Variants in NSL1 observed in about 807,000 individuals in gnomAD.
NSL1 encodes NSL1 component of MIS12 kinetochore complex.
A neutral mutation model predicts 25.4 loss-of-function variants in NSL1; 11 were observed. The observed-to-expected ratio is 0.43, with a 90% CI of 0.27 to 0.72. The LOEUF is 0.72. NSL1 is among the 30% of genes least tolerant of loss of function. The pLI, the probability that NSL1 is intolerant of heterozygous loss-of-function variation, is 0.19. For synonymous variants in NSL1, 118 were observed against 120.6 expected (o/e 0.98, Z 0.14); for missense variants, 330 against 342.7 (o/e 0.96, Z 0.29).
rs79995711 is a variant in NSL1, at chr1:212,734,692, A to C, written c.*3716T>G. Among the ~76,000 whole-genome samples, 156 of 152,334 alleles carry C rather than the reference A, an allele frequency of 1.0e-3. No individual in the cohort carries two copies. Among genetic ancestry groups the C allele is most frequent in the African/African-American group, 3.6e-3 (148 of 41,580 alleles). On this transcript the variant is annotated 3_prime_UTR_variant, in exon 6 of 6. Coordinates refer to ENST00000366977, the MANE Select transcript of NSL1 (RefSeq NM_015471.4). ...TGATATTGATCCACATTGTTATAAC[A>C]GTAATTTGTTCTTTATTCCTGTATT...
intron 4 of NSL1, among the ~76,000 whole-genome samples, chr1:212,744,473 G>A (rs1658663427): frequency 6.6e-6 from 1 of 152,052 alleles, no homozygotes; most frequent in African/African-American, 2.4e-5. Context: ...AAAATTATGA[G>A]GCATGCGAAA....
In NSL1 at chr1:212,734,679, A is replaced by G. The variant is rs1447088804; in HGVS notation, c.*3729T>C. Among the ~76,000 whole-genome samples, 1 of 152,184 alleles carries G rather than the reference A, an allele frequency of 6.6e-6. No homozygotes were observed. The highest frequency in any genetic ancestry group is 2.4e-5 in the African/African-American group (1 of 41,430). ...AATATAGTATCTTTGATATTGATCC[A>G]CATTGTTATAACAGTAATTTGTTCT... is the stretch of plus-strand genomic sequence containing the variant. On this transcript the variant is annotated 3_prime_UTR_variant, in exon 6 of 6. Transcript: ENST00000366977.
intron 4 of NSL1, chr1:212,766,199 T>TA: frequency 1.7e-6 from 1 of 594,686 alleles, no homozygotes; most frequent in Admixed American, 2.6e-5. Context: ...CTCGAAGTAA[T>TA]AAAAACCATA....
chr1:212,766,761 T>C (rs1179448539), intron 4 of NSL1, among the ~76,000 whole-genome samples: 1 of 152,002 alleles, frequency 6.6e-6, no homozygotes, highest in East Asian at 1.9e-4. Flanking sequence ...CACACATCAG[T>C]AGCACTGCTA....
At chr1:212,757,545 A>G (rs1379871139) in intron 4 of NSL1, among the ~76,000 whole-genome samples, 1 of 152,200 alleles carries the variant, frequency 6.6e-6, no homozygotes, top group Non-Finnish European at 1.5e-5. Flanking sequence ...GTAGGGCCTC[A>G]GTGAGCTTTC....
intron 2 of NSL1, 81 bp downstream of exon 2, chr1:212,787,478 G>A: frequency 2.1e-6 from 2 of 935,436 alleles, no homozygotes; most frequent in Non-Finnish European, 3.3e-6. Flanking sequence ...ACTAAATATG[G>A]AGATTAAAAA....
chr1:212,776,583 A>C (rs1660379332), intron 4 of NSL1, among the ~76,000 whole-genome samples: 1 of 151,378 alleles, frequency 6.6e-6, no homozygotes, highest in Non-Finnish European at 1.5e-5. Context: ...ATTAAATAAA[A>C]TTTATAGGAA....
rs150448676 is a variant in NSL1 at position 212,735,763 on chromosome 1, G to A, written c.*2645C>T. Among the ~76,000 whole-genome samples the A allele has an allele frequency of 4.5e-4, 68 of 152,320 alleles. No homozygotes were observed. The highest frequency in any genetic ancestry group is 1.4e-3 in the African/African-American group (60 of 41,562). On this transcript the variant is annotated 3_prime_UTR_variant, in exon 6 of 6. Transcript: ENST00000366977. ...ACTCTGTCCCTCTCTCCACATGCAT[G>A]CACTGAGGAAAGGCCATGTGAGGAC...
chr1:212,779,274 CGGAG>C (rs1478717273), intron 4 of NSL1, among the ~76,000 whole-genome samples: 1 of 133,626 alleles, frequency 7.5e-6, no homozygotes, highest in Non-Finnish European at 1.6e-5. Context: ...CGCCCCGTCT[CGGAG>C]GGAGGTGGGG....
intron 4 of NSL1, among the ~76,000 whole-genome samples, chr1:212,745,160 C>CAA (rs1268799355): frequency 2.5e-5 from 3 of 117,686 alleles, no homozygotes; most frequent in Admixed American, 9.5e-5. Context: ...AACAAACAAA[C>CAA]TATATATATA....
rs904530887 is a variant in NSL1 at position 212,782,552 on chromosome 1, T to C, written c.445-126A>G. On this transcript the variant is annotated intron_variant, in intron 3 of 5. Transcript: ENST00000366977. Reference sequence around the variant, plus strand: ...CTTTTGAGGAAAAAAAATTAAATCCTACTGTCTGTAGGGAAGAGGAGGTGA... The same window carrying C: ...CTTTTGAGGAAAAAAAATTAAATCCCACTGTCTGTAGGGAAGAGGAGGTGA... The C allele has an allele frequency of 5.5e-5, 40 of 724,084 alleles. No individual in the cohort carries two copies. The African/African-American group carries it at 6.9e-4, about 13-fold the overall frequency. The allele number at this position is 724,084 out of a possible 1,614,324, so 44.9% of individuals were successfully genotyped here.
chr1:212,744,673 A>G (rs1658674575), intron 4 of NSL1, among the ~76,000 whole-genome samples: 1 of 152,232 alleles, frequency 6.6e-6, no homozygotes, highest in Non-Finnish European at 1.5e-5. Context: ...GAAATTATAA[A>G]AAGGAACAAA....
intron 4 of NSL1, among the ~76,000 whole-genome samples, chr1:212,745,255 G>A (rs1356017615): frequency 1.2e-4 from 18 of 150,132 alleles, no homozygotes; most frequent in Admixed American, 8.7e-4. Flanking sequence ...AAGAGACAGG[G>A]GCAGAAAAAA....
intron 4 of NSL1, among the ~76,000 whole-genome samples, chr1:212,778,228 G>A (rs1260433183): frequency 6.6e-6 from 1 of 152,158 alleles, no homozygotes; most frequent in African/African-American, 2.4e-5. Flanking sequence ...CCTGTTTTAT[G>A]TTCATCTTTT....
At chr1:212,763,390 G>C (rs1396072476) in intron 4 of NSL1, among the ~76,000 whole-genome samples, 1 of 151,774 alleles carries the variant, frequency 6.6e-6, no homozygotes, top group Non-Finnish European at 1.5e-5. Flanking sequence ...AAAAAACAAA[G>C]TATCTAAGTA....
At chr1:212,739,885 T>C (rs767677116) in intron 4 of NSL1, among the ~76,000 whole-genome samples, 11 of 152,228 alleles carry the variant, frequency 7.2e-5, no homozygotes, top group Non-Finnish European at 2.9e-5. Context: ...CCTACCACTA[T>C]GTTTAACATC....
chr1:212,729,934 C>CTAA lies in NSL1; in HGVS notation c.*8473_*8474insTTA. On this transcript the variant is annotated 3_prime_UTR_variant, in exon 6 of 6. Coordinates refer to ENST00000366977, the MANE Select transcript of NSL1 (RefSeq NM_015471.4). ...GAAGCTGCCTTGTGGAGGAACTAAA[C>CTAA]CTCCGGAAGGATTTTTTTTTTTAAG... 3 of 984,912 alleles carry CTAA rather than the reference C, an allele frequency of 3.0e-6. No homozygotes were observed. Among genetic ancestry groups the CTAA allele is most frequent in the Non-Finnish European group, 3.6e-6 (3 of 829,842 alleles). 61.0% of individuals were successfully genotyped at this position (984,912 alleles called of 1,614,324 possible).
intron 4 of NSL1, among the ~76,000 whole-genome samples, chr1:212,743,919 T>C (rs1658622911): frequency 6.6e-6 from 1 of 152,154 alleles, no homozygotes; most frequent in Non-Finnish European, 1.5e-5. Flanking sequence ...TCTCAAAGAA[T>C]TGTATTGTTT....
chr1:212,754,035 A>G (rs1427846641), intron 4 of NSL1, among the ~76,000 whole-genome samples: 1 of 152,214 alleles, frequency 6.6e-6, no homozygotes, highest in East Asian at 1.9e-4. Flanking sequence ...AGTGCCTGAA[A>G]TAAATCTGGA....
Sources: allele counts gnomAD v4.1 joint callset (sites outside exome capture counted in the v4.1 genomes callset), GRCh38; gene constraint gnomAD v4.1.1; transcripts MANE v1.5; gene names NCBI Gene and HGNC (gene_info 2026-07-23, HGNC 2026-07-21).